FTO: variants seen among roughly 807,000 people sequenced by gnomAD.
FTO encodes the protein FTO alpha-ketoglutarate dependent dioxygenase.
FTO carries 47 observed loss-of-function variants against 63.9 expected under a neutral mutation model. The observed-to-expected ratio is 0.74, with a 90% confidence interval of 0.58 to 0.94. The LOEUF is 0.94. Among genes scored for constraint, FTO ranks in the 40% least tolerant of loss-of-function variants. FTO has a pLI of 0.00. For missense variants in FTO, 562 were observed against 618.1 expected (o/e 0.91, Z 0.96); for synonymous variants, 207 against 224.4 (o/e 0.92, Z 0.69).
chr16:53,710,280 T>G (rs1436990598), intron 1 of FTO, among the ~76,000 whole-genome samples: 1 of 149,962 alleles, frequency 6.7e-6, no homozygotes, highest in Non-Finnish European at 1.5e-5. Context: ...TTTTTTTTTT[T>G]TTTGAGACCA....
At chr16:53,775,017 G>A (rs551223146) in intron 1 of FTO, among the ~76,000 whole-genome samples, 3 of 152,016 alleles carry the variant, frequency 2.0e-5, no homozygotes, top group Non-Finnish European at 4.4e-5. Context: ...CTCACATGCC[G>A]CCATTAAATT....
At chr16:53,757,557 A>G (rs1289538388) in intron 1 of FTO, among the ~76,000 whole-genome samples, 1 of 151,506 alleles carries the variant, frequency 6.6e-6, no homozygotes, top group Non-Finnish European at 1.5e-5. Flanking sequence ...ATATGAATAC[A>G]TAATACCTAT....
At chr16:53,801,594 G>A (rs1027142384) in intron 1 of FTO, among the ~76,000 whole-genome samples, 1 of 151,720 alleles carries the variant, frequency 6.6e-6, no homozygotes, top group African/African-American at 2.4e-5. Context: ...TCCATTATCA[G>A]TTCTTATCTT....
chr16:53,977,546 A>G (rs868687820), intron 8 of FTO, among the ~76,000 whole-genome samples: 1 of 152,150 alleles, frequency 6.6e-6, no homozygotes. Flanking sequence ...TGATTATTTT[A>G]GCATTAAGGC....
At chr16:54,038,043 T>C (rs1475779534) in intron 8 of FTO, among the ~76,000 whole-genome samples, 4 of 152,216 alleles carry the variant, frequency 2.6e-5, no homozygotes, top group Admixed American at 2.0e-4. Flanking sequence ...CTTTCTCTAA[T>C]GTAAGCCATA....
chr16:54,048,491 A>G (rs1158146114), intron 8 of FTO, among the ~76,000 whole-genome samples: 1 of 152,228 alleles, frequency 6.6e-6, no homozygotes, highest in African/African-American at 2.4e-5. Flanking sequence ...AATTGAGCAA[A>G]AAAAGTGACT....
chr16:54,022,662 A>C (rs1018648074), intron 8 of FTO, among the ~76,000 whole-genome samples: 1 of 152,304 alleles, frequency 6.6e-6, no homozygotes. Flanking sequence ...ATTTTGTTGG[A>C]CCACTGGGAA....
chr16:53,810,802 CT>C (rs2078499772), intron 2 of FTO, among the ~76,000 whole-genome samples: 1 of 152,196 alleles, frequency 6.6e-6, no homozygotes, highest in Admixed American at 6.5e-5. Context: ...CTAAATCCAA[CT>C]TTACAAAAGA....
intron 8 of FTO, among the ~76,000 whole-genome samples, chr16:54,102,512 A>C (rs1187319131): frequency 2.6e-5 from 4 of 152,152 alleles, no homozygotes; most frequent in Non-Finnish European, 5.9e-5. Context: ...GGAATTCTAG[A>C]CCAGTCTGGG....
intron 4 of FTO, among the ~76,000 whole-genome samples, chr16:53,852,648 T>C (rs1189393928): frequency 1.3e-5 from 2 of 152,156 alleles, no homozygotes; most frequent in Non-Finnish European, 2.9e-5. Context: ...AGGTAGAAAA[T>C]GTAATCTACT....
chr16:53,961,298 CAG>C (rs1263433669), intron 8 of FTO, among the ~76,000 whole-genome samples: 1 of 152,166 alleles, frequency 6.6e-6, no homozygotes. Flanking sequence ...ACTAGCTCTG[CAG>C]AGTCATTTAG....
chr16:53,946,657 C>T (rs2082657499), intron 8 of FTO, among the ~76,000 whole-genome samples: 1 of 152,020 alleles, frequency 6.6e-6, no homozygotes, highest in Non-Finnish European at 1.5e-5. Context: ...TATGTAGGGC[C>T]TGGTCTGAAC....
At chr16:53,848,135 T>A (rs547410694) in intron 4 of FTO, among the ~76,000 whole-genome samples, 42 of 152,306 alleles carry the variant, frequency 2.8e-4, no homozygotes, top group Non-Finnish European at 4.9e-4. Flanking sequence ...CTCTTTTTTT[T>A]AAAAAGTCAA....
intron 1 of FTO, among the ~76,000 whole-genome samples, chr16:53,806,527 A>C (rs1035111004): frequency 2.6e-5 from 4 of 152,124 alleles, no homozygotes; most frequent in African/African-American, 9.7e-5. Flanking sequence ...AGAGCTTTTT[A>C]GTTCATAAAC....
At chr16:53,999,185 T>G (rs1727418635) in intron 8 of FTO, among the ~76,000 whole-genome samples, 2 of 152,102 alleles carry the variant, frequency 1.3e-5, no homozygotes, top group African/African-American at 4.8e-5. Flanking sequence ...ATGCAATAAA[T>G]CCTCTTTAGA....
chr16:53,920,636 A>C (rs1434141251), intron 7 of FTO, among the ~76,000 whole-genome samples: 1 of 152,178 alleles, frequency 6.6e-6, no homozygotes, highest in African/African-American at 2.4e-5. Context: ...CTAGTATGGA[A>C]CGCGTCCCTT....
chr16:53,795,576 T>C (rs776007481), intron 1 of FTO, among the ~76,000 whole-genome samples: 3 of 152,110 alleles, frequency 2.0e-5, no homozygotes, highest in Non-Finnish European at 4.4e-5. Flanking sequence ...CCACAAGTGT[T>C]GGGATTACAG....
intron 1 of FTO, among the ~76,000 whole-genome samples, chr16:53,731,346 T>A (rs2076265871): frequency 6.6e-6 from 1 of 152,182 alleles, no homozygotes; most frequent in African/African-American, 2.4e-5. Flanking sequence ...TGAGAACAGC[T>A]TAGCTTCTGT....
intron 8 of FTO, among the ~76,000 whole-genome samples, chr16:54,095,385 A>G (rs2144572397): frequency 6.6e-6 from 1 of 151,202 alleles, no homozygotes; most frequent in East Asian, 1.9e-4. Flanking sequence ...CCCCAGGACA[A>G]GCGTCCATCA....
Sources: allele counts gnomAD v4.1 joint callset (sites outside exome capture counted in the v4.1 genomes callset), GRCh38; gene constraint gnomAD v4.1.1; transcripts MANE v1.5; gene names NCBI Gene and HGNC (gene_info 2026-07-23, HGNC 2026-07-21).